CPNE4: variants seen among roughly 807,000 people sequenced by gnomAD.
CPNE4 encodes the protein copine 4.
Under a neutral mutation model 67.9 loss-of-function variants are expected in CPNE4, and 25 were observed. The ratio of observed to expected loss-of-function variants is 0.37; its 90% CI spans 0.27 to 0.51. CPNE4 has a LOEUF of 0.51. Ranked by LOEUF, CPNE4 falls within the 20% of genes least tolerant of loss-of-function variation. The probability of loss-of-function intolerance (pLI) is 0.93; values close to 1 mark genes in which losing one functional copy is unlikely to be tolerated. For synonymous variants in CPNE4, 242 were observed against 244.9 expected, an observed-to-expected ratio of 0.99 and a Z score of 0.11; for missense variants, 464 against 690.8, an observed-to-expected ratio of 0.67 and a Z score of 3.68.
At chr3:131,814,864 A>G (rs1449331913) in intron 2 of CPNE4, among the ~76,000 whole-genome samples, 3 of 136,322 alleles carry the variant, frequency 2.2e-5, no homozygotes, top group Non-Finnish European at 1.5e-5. Context: ...TCGGCCTCCC[A>G]AAGTGCTGGG....
At chr3:131,579,527 C>G (rs958555532) in intron 9 of CPNE4, among the ~76,000 whole-genome samples, 2 of 152,118 alleles carry the variant, frequency 1.3e-5, no homozygotes, top group African/African-American at 4.8e-5. Context: ...TGATAGATCT[C>G]AGAAAAGTAA....
Position 131,864,023 on chromosome 3 carries a change from C to T in CPNE4, c.180+41241G>A, listed in dbSNP as rs551937413. ...CAAAGATCAGATAGTTGTAGATATG[C>T]GGCATTATTTCTGAGGGCTCTGTTC... is the stretch of plus-strand genomic sequence containing the variant. On this transcript the variant is annotated intron_variant, in intron 2 of 15. Coordinates refer to ENST00000429747, the MANE Select transcript of CPNE4 (RefSeq NM_130808.3). Among the ~76,000 whole-genome samples, 17 of 151,908 alleles carry T rather than the reference C, an allele frequency of 1.1e-4. No homozygotes were observed. In the East Asian group the frequency reaches 1.4e-3, roughly 12 times the overall value.
At chr3:131,755,967 T>A (rs1331301132) in intron 2 of CPNE4, among the ~76,000 whole-genome samples, 1 of 152,180 alleles carries the variant, frequency 6.6e-6, no homozygotes, top group Non-Finnish European at 1.5e-5. Context: ...TCTGAGAGAA[T>A]GCCAATAAAA....
At chr3:131,979,721 A>C (rs2072855539) in intron 1 of CPNE4, among the ~76,000 whole-genome samples, 1 of 151,514 alleles carries the variant, frequency 6.6e-6, no homozygotes, top group Non-Finnish European at 1.5e-5. Context: ...TGCATTCATC[A>C]TGCTGTTTGT....
chr3:131,814,772 T>C (rs901798653), intron 2 of CPNE4, among the ~76,000 whole-genome samples: 2 of 144,800 alleles, frequency 1.4e-5, no homozygotes, highest in African/African-American at 5.6e-5. Flanking sequence ...GCCCGGCTAA[T>C]TTTTTGTATT....
chr3:132,014,987 A>C (rs1383927334), intron 1 of CPNE4, among the ~76,000 whole-genome samples: 1 of 152,148 alleles, frequency 6.6e-6, no homozygotes, highest in South Asian at 2.1e-4. Context: ...AATCACTTCC[A>C]ATGAAATATG....
intron 2 of CPNE4, among the ~76,000 whole-genome samples, chr3:131,843,276 C>T (rs1352513641): frequency 6.6e-6 from 1 of 152,154 alleles, no homozygotes; most frequent in Non-Finnish European, 1.5e-5. Flanking sequence ...ATCAGAGAAT[C>T]TGCAAGTTAT....
At chr3:131,735,911 T>C (rs956976860) in intron 2 of CPNE4, among the ~76,000 whole-genome samples, 2 of 152,220 alleles carry the variant, frequency 1.3e-5, no homozygotes, top group African/African-American at 2.4e-5. Context: ...TTCTCTCCCC[T>C]ACCTCCTCCT....
At chr3:131,913,655 A>T (rs1435077551) in intron 1 of CPNE4, among the ~76,000 whole-genome samples, 1 of 152,176 alleles carries the variant, frequency 6.6e-6, no homozygotes, top group Non-Finnish European at 1.5e-5. Flanking sequence ...GCTTTTTAAT[A>T]AACTTTCACT....
At chr3:131,933,264 C>T (rs185870282) in intron 1 of CPNE4, among the ~76,000 whole-genome samples, 1 of 152,138 alleles carries the variant, frequency 6.6e-6, no homozygotes, top group African/African-American at 2.4e-5. Context: ...GAGGTCATTA[C>T]AGCAGTCAAG....
At chr3:131,881,246 C>T (rs188321123) in intron 2 of CPNE4, among the ~76,000 whole-genome samples, 1 of 152,116 alleles carries the variant, frequency 6.6e-6, no homozygotes, top group Non-Finnish European at 1.5e-5. Flanking sequence ...GCTTCTTTAC[C>T]AATTATACCT....
At chr3:132,030,551 C>T (rs1583621901) in intron 1 of CPNE4, among the ~76,000 whole-genome samples, 1 of 152,274 alleles carries the variant, frequency 6.6e-6, no homozygotes, top group African/African-American at 2.4e-5. Context: ...CTGGAATAAA[C>T]TTTCCCAAAG....
At chr3:131,669,327 A>C (rs1467113083) in intron 7 of CPNE4, among the ~76,000 whole-genome samples, 1 of 152,218 alleles carries the variant, frequency 6.6e-6, no homozygotes, top group Admixed American at 6.5e-5. Context: ...TAAGCTACTA[A>C]ATTTTGCATT....
chr3:131,644,565 T>C (rs2079617447), intron 7 of CPNE4, among the ~76,000 whole-genome samples: 1 of 152,218 alleles, frequency 6.6e-6, no homozygotes, highest in South Asian at 2.1e-4. Context: ...TTAGTCCATT[T>C]TCCATGTCCA....
chr3:131,607,306 C>T (rs1582882760), intron 7 of CPNE4, among the ~76,000 whole-genome samples: 1 of 151,794 alleles, frequency 6.6e-6, no homozygotes, highest in East Asian at 1.9e-4. Context: ...TCCCACCAGG[C>T]TTATTTCCCA....
chr3:132,008,180 T>G (rs977180624), intron 1 of CPNE4, among the ~76,000 whole-genome samples: 1 of 152,118 alleles, frequency 6.6e-6, no homozygotes, highest in Non-Finnish European at 1.5e-5. Flanking sequence ...TGAATGAGGA[T>G]TGAATGAAGG....
chr3:131,706,400 C>G (rs887270383), intron 3 of CPNE4, among the ~76,000 whole-genome samples: 9 of 152,202 alleles, frequency 5.9e-5, no homozygotes, highest in Non-Finnish European at 1.3e-4. Context: ...TATATTGATT[C>G]ACTTAATTCT....
intron 2 of CPNE4, among the ~76,000 whole-genome samples, chr3:131,727,032 C>T (rs1437293413): frequency 6.6e-6 from 1 of 152,202 alleles, no homozygotes; most frequent in Non-Finnish European, 1.5e-5. Flanking sequence ...ACAGAACATG[C>T]TCACATCCAT....
chr3:131,576,712 C>G (rs1331730098), intron 9 of CPNE4, among the ~76,000 whole-genome samples: 1 of 151,934 alleles, frequency 6.6e-6, no homozygotes, highest in African/African-American at 2.4e-5. Flanking sequence ...ATGGGCAAAC[C>G]ATTTACTGTG....
Sources: allele counts gnomAD v4.1 joint callset (sites outside exome capture counted in the v4.1 genomes callset), GRCh38; gene constraint gnomAD v4.1.1; transcripts MANE v1.5; gene names NCBI Gene and HGNC (gene_info 2026-07-23, HGNC 2026-07-21).